The following ANKRD18A variants were observed in gnomAD, a reference collection of about 807,000 sequenced individuals.
ANKRD18A encodes the protein ankyrin repeat domain 18A, also known as ankyrin repeat domain-containing protein 18A.
ANKRD18A carries 72 observed loss-of-function variants against 110.6 expected under a neutral mutation model. The observed-to-expected ratio is 0.65, with a 90% CI of 0.54 to 0.79. ANKRD18A has a LOEUF of 0.79. Among genes scored for constraint, ANKRD18A ranks in the 30% least tolerant of loss-of-function variants. The pLI, the probability that ANKRD18A is intolerant of heterozygous loss-of-function variation, is 0.00. For missense variants in ANKRD18A, 934 were observed against 1,163.3 expected (o/e 0.80, Z 2.87); for synonymous variants, 305 against 410.3 (o/e 0.74, Z 3.10).
chr9:38,589,370 T>C (rs35601307), intron 10 of ANKRD18A, among the ~76,000 whole-genome samples: 2 of 144,186 alleles, frequency 1.4e-5, no homozygotes, highest in Admixed American at 7.0e-5. Context: ...CCAGTGCAAG[T>C]CTCTTTAGAG....
Position 38,620,327 on chromosome 9 carries a change from C to A in ANKRD18A, c.-42G>T. On this transcript the variant is annotated 5_prime_UTR_variant, in exon 1 of 16. Transcript: ENST00000399703. ...ACGCCCACCACCCGCTCCTGAGCCG[C>A]GGCGGCTCCTCGTGGCCTTTCCACC... The A allele has an allele frequency of 1.3e-6, 2 of 1,530,360 alleles. No homozygotes were observed. 94.8% of individuals were successfully genotyped at this position (1,530,360 alleles called of 1,614,324 possible). A position where few individuals can be genotyped will look rare whatever the true frequency, so the allele number is the denominator to read the frequency against.
At chr9:38,573,608 G>A (rs987623962) in intron 15 of ANKRD18A, among the ~76,000 whole-genome samples, 13 of 151,946 alleles carry the variant, frequency 8.6e-5, no homozygotes, top group African/African-American at 2.9e-4. Flanking sequence ...CCAGCTACTC[G>A]GGAGGCTGAG....
chr9:38,596,401 A>AGAGTG lies in ANKRD18A; in HGVS notation c.938_939insCACTC (p.Ser314ThrfsTer19). 6.9e-7 allele frequency: 1 copy of AGAGTG among 1,440,524 alleles called. No homozygotes were observed. The highest frequency in any genetic ancestry group is 9.1e-7 in the Non-Finnish European group (1 of 1,097,140). The allele number at this position is 1,440,524 out of a possible 1,614,324, so 89.2% of individuals were successfully genotyped here. ...CCTTCTTTTTTCCGTAACTTTGAGA[A>AGAGTG]TCCTAAATAAAACAAAACAAATTTT... is the stretch of plus-strand genomic sequence containing the variant. On this transcript the variant is annotated frameshift_variant and splice_region_variant, in exon 9 of 16. Coordinates refer to ENST00000399703, the MANE Select transcript of ANKRD18A (RefSeq NM_147195.4). LOFTEE classifies it high-confidence loss of function.
chr9:38,574,596 T>C (rs2996334), intron 15 of ANKRD18A, among the ~76,000 whole-genome samples: 74,246 of 151,900 alleles, frequency 0.49, 18,917 homozygotes, highest in East Asian at 0.72. Flanking sequence ...GGATTACAGG[T>C]GTGAGCCACC....
chr9:38,579,311 C>A, intron 12 of ANKRD18A, among the ~76,000 whole-genome samples: 1 of 152,138 alleles, frequency 6.6e-6, no homozygotes, highest in East Asian at 1.9e-4. Context: ...ACATCAGAAG[C>A]ATAGGCAACA....
At chr9:38,615,828 C>T (rs1825830316) in intron 2 of ANKRD18A, 61 bp from the exon 3 acceptor site, 1 of 1,545,092 alleles carries the variant, frequency 6.5e-7, no homozygotes, top group African/African-American at 1.4e-5. Flanking sequence ...ACATATTCCA[C>T]AGGTTTCACC....
intron 11 of ANKRD18A, among the ~76,000 whole-genome samples, chr9:38,586,708 G>A (rs1398810711): frequency 1.3e-5 from 2 of 152,086 alleles, no homozygotes. Context: ...TGGGATTACG[G>A]GCATGTGCCA....
intron 11 of ANKRD18A, among the ~76,000 whole-genome samples, chr9:38,586,660 A>C (rs1824395150): frequency 6.6e-6 from 1 of 151,802 alleles, no homozygotes; most frequent in Non-Finnish European, 1.5e-5. Flanking sequence ...TGCTTCCTGG[A>C]CTCAAGTGAT....
chr9:38,577,449 TA>T (rs1823944168), intron 13 of ANKRD18A, among the ~76,000 whole-genome samples, 185 bp from the exon 14 acceptor site: 2 of 152,164 alleles, frequency 1.3e-5, no homozygotes, highest in Admixed American at 6.5e-5. Context: ...TTGTCTGATT[TA>T]AAAAAATTTG....
intron 4 of ANKRD18A, 41 bp downstream of exon 4, chr9:38,611,174 T>A (rs1475211353): frequency 6.6e-7 from 1 of 1,519,984 alleles, no homozygotes. Flanking sequence ...AACACTCAGG[T>A]TTTTAGGAAA....
At chr9:38,614,274 A>G (rs1587546250) in intron 3 of ANKRD18A, among the ~76,000 whole-genome samples, 2 of 104,818 alleles carry the variant, frequency 1.9e-5, no homozygotes, top group South Asian at 6.3e-4. Context: ...CAAGAGTCTT[A>G]CTATGTATTT....
At position 38,615,628 on chromosome 9, in the gene ANKRD18A, A is replaced by G. The variant is rs768602076; in HGVS notation, c.461T>C (p.Leu154Pro). The change falls in exon 3 of 16, where the codon CTT (leucine) becomes CCT (proline). Residue 154 changes from leucine (L) to proline (P), a missense_variant. Around this residue, in one of 4 missense-constraint regions of ANKRD18A, gnomAD observed 630 missense variants for 797.5 expected, o/e 0.79. Transcript: ENST00000399703. Reference sequence around the variant, plus strand: ...TGCTTCAATATTTGCATGGTGGGAAAGCAGTCTTTCTGCCAGTGAAGTCCC... The same window carrying G: ...TGCTTCAATATTTGCATGGTGGGAAGGCAGTCTTTCTGCCAGTGAAGTCCC... ...NKGTSLAERL[L>P]SHHANIEALN... 5.6e-6 allele frequency: 9 copies of G among 1,609,832 alleles called. No homozygotes were observed. Among genetic ancestry groups the G allele is most frequent in the Non-Finnish European group, 5.9e-6 (7 of 1,178,814 alleles).
Position 38,578,084 on chromosome 9 carries a change from T to C in ANKRD18A, c.2312A>G (p.Asn771Ser), listed in dbSNP as rs754376640. ...TAATAACTCCTGATGAAGAACTTCA[T>C]TGTCTTTGGCCAAATTGACACATTC... The part of the protein sequence containing the change: ...SSECVNLAKD[N>S]EVLHQELLSM... Residue 771 changes from asparagine (N) to serine (S), a missense_variant, in exon 13 of 16, where the codon AAT (asparagine) becomes AGT (serine). By Grantham distance (46) the Asn-to-Ser change is conservative. Coordinates refer to ENST00000399703, the MANE Select transcript of ANKRD18A (RefSeq NM_147195.4). 1.6e-5 allele frequency: 25 copies of C among 1,550,542 alleles called. No homozygotes were observed. In the Middle Eastern group the frequency reaches 5.0e-4, roughly 31 times the overall value.
downstream of ANKRD18A, among the ~76,000 whole-genome samples, chr9:38,570,672 G>C (rs1823604998): frequency 6.6e-6 from 1 of 152,216 alleles, no homozygotes; most frequent in Non-Finnish European, 1.5e-5. Context: ...TGTGTTCAAA[G>C]TCTCATTACA....
At chr9:38,585,157 T>C (rs149672648) in intron 12 of ANKRD18A, among the ~76,000 whole-genome samples, 8,462 of 152,230 alleles carry the variant, frequency 0.056, 421 homozygotes, top group African/African-American at 0.13. Flanking sequence ...ACTAAGATCC[T>C]GATGCATTTC....
At chr9:38,591,356 G>T (rs17840706) in intron 10 of ANKRD18A, among the ~76,000 whole-genome samples, 2 of 152,224 alleles carry the variant, frequency 1.3e-5, no homozygotes, top group African/African-American at 4.8e-5. Flanking sequence ...GATACTAGCC[G>T]TGCGACCTTG....
chr9:38,609,940 CA>C (rs1312973805), intron 5 of ANKRD18A, among the ~76,000 whole-genome samples: 2,112 of 91,070 alleles, frequency 0.023, 14 homozygotes, highest in Middle Eastern at 0.06. Flanking sequence ...GACCTTGTCT[CA>C]AAAAAAAAAA....
At chr9:38,587,419 AT>A in intron 11 of ANKRD18A, among the ~76,000 whole-genome samples, 1 of 152,266 alleles carries the variant, frequency 6.6e-6, no homozygotes, top group East Asian at 1.9e-4. Flanking sequence ...ATGAATGCTC[AT>A]TTTACTCTTT....
At chr9:38,568,884 C>T, downstream of ANKRD18A, 4 of 985,452 alleles carry the variant, frequency 4.1e-6, no homozygotes, top group Non-Finnish European at 4.8e-6. Flanking sequence ...CGCTCCCCAG[C>T]AGGGGGCCTC....
Sources: allele counts gnomAD v4.1 joint callset (sites outside exome capture counted in the v4.1 genomes callset), GRCh38; gene constraint gnomAD v4.1.1; regional missense constraint gnomAD v4.1.1; transcripts MANE v1.5; gene names NCBI Gene and HGNC (gene_info 2026-07-23, HGNC 2026-07-21).